LIMCH1: variants seen among roughly 807,000 people sequenced by gnomAD.
LIMCH1 encodes the protein LIM and calponin homology domains-containing protein 1.
LIMCH1 carries 113 observed loss-of-function variants against 176.5 expected under a neutral mutation model. The ratio of observed to expected loss-of-function variants is 0.64; its 90% CI spans 0.55 to 0.75. The LOEUF is 0.75. Ranked by LOEUF, LIMCH1 falls within the 30% of genes least tolerant of loss-of-function variation. The pLI, the probability that LIMCH1 is intolerant of heterozygous loss-of-function variation, is 0.00. For synonymous variants in LIMCH1, 619 were observed against 645.9 expected (o/e 0.96, Z 0.63); for missense variants, 1,674 against 1,814.9 (o/e 0.92, Z 1.41).
chr4:41,581,536 G>A (rs1249915940), intron 1 of LIMCH1, among the ~76,000 whole-genome samples: 5 of 152,120 alleles, frequency 3.3e-5, no homozygotes, highest in Admixed American at 3.3e-4. Context: ...GCCGGGCGCA[G>A]TGGCTCACAC....
intron 3 of LIMCH1, among the ~76,000 whole-genome samples, chr4:41,531,872 T>C (rs921344869): frequency 1.3e-5 from 2 of 152,158 alleles, no homozygotes; most frequent in African/African-American, 4.8e-5. Context: ...CCTCCCCTTC[T>C]TTAGGGGAAC....
Position 41,493,039 on chromosome 4 carries a change from T to C in LIMCH1, c.97-1497T>C, listed in dbSNP as rs556457472. ...TTTTGATTAGTGTTATCATGGTATA[T>C]CTTATTTTATTCTTTTATTTAACTT... On this transcript the variant is annotated intron_variant, in intron 1 of 26. Coordinates refer to the LIMCH1 transcript ENST00000313860. Among the ~76,000 whole-genome samples the C allele has an allele frequency of 6.6e-5, 10 of 152,252 alleles. No individual in the cohort carries two copies. The South Asian group carries it at 2.1e-3, about 32-fold the overall frequency.
intron 1 of LIMCH1, chr4:41,551,410 T>G (rs1455108989): frequency 6.6e-6 from 1 of 152,202 alleles, no homozygotes; most frequent in Non-Finnish European, 1.5e-5. Context: ...GACTTGCTTT[T>G]CTTTATATAG....
At chr4:41,693,374 A>G in intron 31 of LIMCH1, 1 of 152,318 alleles carries the variant, frequency 6.6e-6, no homozygotes, top group South Asian at 2.1e-4. Context: ...CTATAGATTT[A>G]GTAAATTCAG....
intron 1 of LIMCH1, among the ~76,000 whole-genome samples, chr4:41,578,217 AG>A (rs986277922): frequency 4.8e-4 from 73 of 152,338 alleles, no homozygotes; most frequent in African/African-American, 1.6e-3. Flanking sequence ...TAGAATGAAG[AG>A]GAAGCAAAGC....
At chr4:41,390,228 ATCTC>A (rs1018822556) in intron 1 of LIMCH1, among the ~76,000 whole-genome samples, 1 of 136,096 alleles carries the variant, frequency 7.3e-6, no homozygotes, top group African/African-American at 2.9e-5. Flanking sequence ...CTCTACCTGC[ATCTC>A]TCTCAGGGAG....
At chr4:41,629,405 G>A in intron 8 of LIMCH1, 87 bp from the exon 9 acceptor site, 2 of 1,449,296 alleles carry the variant, frequency 1.4e-6, no homozygotes, top group Non-Finnish European at 1.8e-6. Flanking sequence ...CAGCCTGTGA[G>A]TTTCCATGCT....
At chr4:41,389,755 G>T (rs956570283) in intron 1 of LIMCH1, among the ~76,000 whole-genome samples, 6 of 152,138 alleles carry the variant, frequency 3.9e-5, no homozygotes, top group Non-Finnish European at 8.8e-5. Context: ...TCAGCCTTAG[G>T]ATTCCTGTTT....
At chr4:41,453,187 T>A (rs1327867046) in intron 1 of LIMCH1, among the ~76,000 whole-genome samples, 1 of 152,174 alleles carries the variant, frequency 6.6e-6, no homozygotes, top group Non-Finnish European at 1.5e-5. Flanking sequence ...TTCATCTTTG[T>A]CAGTGGGTTA....
chr4:41,673,013 C>A (rs1281405591), intron 22 of LIMCH1, among the ~76,000 whole-genome samples: 1 of 152,188 alleles, frequency 6.6e-6, no homozygotes, highest in Non-Finnish European at 1.5e-5. Context: ...TCCCCCTCTC[C>A]CAATAGCTAA....
chr4:41,486,959 TACACACACACACATACATAC>T (rs1010388494), intron 1 of LIMCH1, among the ~76,000 whole-genome samples: 21 of 115,936 alleles, frequency 1.8e-4, no homozygotes, highest in Admixed American at 5.5e-4. Flanking sequence ...TATATATATA[TACACACACACACATACATAC>T]ACACACACAC....
intron 1 of LIMCH1, among the ~76,000 whole-genome samples, chr4:41,365,251 C>A (rs1422068843): frequency 1.3e-5 from 2 of 152,214 alleles, no homozygotes; most frequent in Admixed American, 1.3e-4. Flanking sequence ...CTAATCCATA[C>A]TTCACAAGAG....
intron 1 of LIMCH1, among the ~76,000 whole-genome samples, chr4:41,363,539 T>G (rs1230799162): frequency 6.6e-6 from 1 of 152,174 alleles, no homozygotes; most frequent in African/African-American, 2.4e-5. Context: ...TTCTTGGTCT[T>G]CCTTGAGTCA....
Position 41,629,646 on chromosome 4 carries a change from C to T in LIMCH1, c.1183C>T (p.Arg395Cys), listed in dbSNP as rs1306583145. 9.1e-6 allele frequency: 14 copies of T among 1,535,932 alleles called. No individual in the cohort carries two copies. The highest frequency in any genetic ancestry group is 3.9e-5 in the Admixed American group (2 of 50,976). Residue 395 changes from arginine (R) to cysteine (C), a missense_variant, in exon 9 of 32, where the codon CGC becomes TGC. Transcript: ENST00000503057. The part of the protein sequence containing the change: ...QRIQGSLAPH[R>C]EPPSFITLSN... ...AATTCAGGGCAGCCTTGCCCCTCAC[C>T]GCGAGCCCCCGAGCTTCATTACGCT...
intron 28 of LIMCH1, 96 bp from the exon 29 acceptor site, chr4:41,687,744 A>T: frequency 1.3e-6 from 1 of 747,896 alleles, no homozygotes; most frequent in Non-Finnish European, 2.2e-6. Context: ...CAAAAGTTTT[A>T]TTTTATTTTA....
intron 1 of LIMCH1, among the ~76,000 whole-genome samples, chr4:41,479,877 G>A (rs1040102215): frequency 6.6e-6 from 1 of 152,052 alleles, no homozygotes; most frequent in Non-Finnish European, 1.5e-5. Flanking sequence ...GGGCTTCCCC[G>A]TGTGATTTTG....
At chr4:41,429,207 T>G (rs2061383322) in intron 1 of LIMCH1, among the ~76,000 whole-genome samples, 1 of 152,218 alleles carries the variant, frequency 6.6e-6, no homozygotes. Flanking sequence ...TATGTTTTTG[T>G]TTTTTGGTTT....
chr4:41,410,383 A>G (rs1263127560), intron 1 of LIMCH1, among the ~76,000 whole-genome samples: 2 of 152,148 alleles, frequency 1.3e-5, no homozygotes, highest in Non-Finnish European at 2.9e-5. Context: ...TGGCTCAGTT[A>G]AGATTTGCAC....
chr4:41,368,840 A>G (rs985909899), intron 1 of LIMCH1, among the ~76,000 whole-genome samples: 3 of 152,202 alleles, frequency 2.0e-5, no homozygotes, highest in Admixed American at 2.0e-4. Flanking sequence ...GAACTCTTCT[A>G]AGAAAAATGC....
Sources: allele counts gnomAD v4.1 joint callset (sites outside exome capture counted in the v4.1 genomes callset), GRCh38; gene constraint gnomAD v4.1.1; transcripts MANE v1.5; gene names NCBI Gene and HGNC (gene_info 2026-07-23, HGNC 2026-07-21).